TMEM207: variants seen among roughly 807,000 people sequenced by gnomAD.
The protein encoded by TMEM207 is transmembrane protein 207, also known as SRSR846.
In TMEM207, 15 loss-of-function variants were observed where a neutral mutation model predicts 17.4. The observed-to-expected ratio is 0.86, with a 90% CI of 0.58 to 1.33. The LOEUF is 1.33. Ranked by LOEUF, TMEM207 falls within the 40% of genes most tolerant of loss-of-function variation. TMEM207 has a pLI of 0.00. For synonymous variants in TMEM207, 70 were observed against 65.6 expected, an observed-to-expected ratio of 1.07 and a Z score of -0.33; for missense variants, 205 against 173.8, an observed-to-expected ratio of 1.18 and a Z score of -1.01.
At chr3:190,444,186 G>A (rs186189041) in intron 2 of TMEM207, among the ~76,000 whole-genome samples, 6 of 152,294 alleles carry the variant, frequency 3.9e-5, no homozygotes, top group South Asian at 4.1e-4. Flanking sequence ...AACCAGATGC[G>A]TAACTTCATG....
At chr3:190,434,798 T>C (rs542803935) in intron 4 of TMEM207, among the ~76,000 whole-genome samples, 1 of 152,090 alleles carries the variant, frequency 6.6e-6, no homozygotes, top group African/African-American at 2.4e-5. Context: ...GTAGCAGAGA[T>C]GGTGAAGGAG....
At chr3:190,442,113 AAT>A (rs1719949345) in intron 2 of TMEM207, among the ~76,000 whole-genome samples, 1 of 152,202 alleles carries the variant, frequency 6.6e-6, no homozygotes, top group Non-Finnish European at 1.5e-5. Flanking sequence ...GAAGTTTTAA[AAT>A]ATCGCAGACA....
In TMEM207 at chr3:190,449,837, T is replaced by C. The variant is rs1290797853; in HGVS notation, c.-28A>G. The C allele has an allele frequency of 6.3e-7, 1 of 1,599,650 alleles. No individual in the cohort carries two copies. The highest frequency in any genetic ancestry group is 8.6e-7 in the Non-Finnish European group (1 of 1,167,034). The stretch of plus-strand genomic sequence containing the variant: ...TTAAAGGACAGTCAACTTAGGATAG[T>C]GGTTTGGTGCCTGTGTTTATTTCCT... On this transcript the variant is annotated 5_prime_UTR_variant, in exon 1 of 5. Coordinates refer to ENST00000354905, the MANE Select transcript of TMEM207 (RefSeq NM_207316.3).
Position 190,449,881 on chromosome 3 carries a change from A to G in TMEM207, c.-72T>C. ...ATTTCCTTCTTTCTCAGAACTTACTAGCTTCTCTATAAGTTATGCTTCCTA... is the reference window on the plus strand; with the variant it reads ...ATTTCCTTCTTTCTCAGAACTTACTGGCTTCTCTATAAGTTATGCTTCCTA... On this transcript the variant is annotated 5_prime_UTR_variant, in exon 1 of 5. Coordinates refer to ENST00000354905, the MANE Select transcript of TMEM207 (RefSeq NM_207316.3). 1 of 1,364,440 alleles carries G rather than the reference A, an allele frequency of 7.3e-7. No homozygotes were observed. Among genetic ancestry groups the G allele is most frequent in the East Asian group, 2.4e-5 (1 of 42,512 alleles). The allele number at this position is 1,364,440 out of a possible 1,614,324, so 84.5% of individuals were successfully genotyped here.
chr3:190,437,574 C>T (rs1329003670), intron 4 of TMEM207, among the ~76,000 whole-genome samples: 1 of 152,020 alleles, frequency 6.6e-6, no homozygotes, highest in Admixed American at 6.6e-5. Context: ...GTTAGAATGG[C>T]AATCATTAAA....
intron 4 of TMEM207, among the ~76,000 whole-genome samples, chr3:190,437,760 A>G (rs1471115085): frequency 2.6e-5 from 4 of 152,110 alleles, no homozygotes; most frequent in Non-Finnish European, 4.4e-5. Flanking sequence ...GTATACCCAA[A>G]GGACTATAAA....
At position 190,429,349 on chromosome 3, in the gene TMEM207, T is replaced by G; in HGVS notation, c.*246A>C. ...TGTTTGGATACTAGTGGAGAAGCAT[T>G]AATTTGGTTGTGTAGCATAAAAGTA... On this transcript the variant is annotated 3_prime_UTR_variant, in exon 5 of 5. Coordinates refer to ENST00000354905, the MANE Select transcript of TMEM207 (RefSeq NM_207316.3). 2.2e-6 allele frequency: 1 copy of G among 447,518 alleles called. No homozygotes were observed. The highest frequency in any genetic ancestry group is 4.0e-6 in the Non-Finnish European group (1 of 249,622). The allele number at this position is 447,518 out of a possible 1,614,324, so 27.7% of individuals were successfully genotyped here. A position where few individuals can be genotyped will look rare whatever the true frequency, so the allele number is the denominator to read the frequency against.
intron 4 of TMEM207, among the ~76,000 whole-genome samples, 155 bp from the exon 5 acceptor site, chr3:190,429,886 G>T (rs1195813833): frequency 6.8e-6 from 1 of 147,468 alleles, no homozygotes; most frequent in African/African-American, 2.6e-5. Context: ...CTTGCTCTTT[G>T]CAGTGAAGGT....
rs6791091 is a variant in TMEM207 at position 190,443,156 on chromosome 3, T to G, written c.114-1674A>C. 3.6e-3 allele frequency among the ~76,000 whole-genome samples: 540 copies of G among 150,360 alleles called. 3 individuals are homozygous for G. Among genetic ancestry groups the G allele is most frequent in the Non-Finnish European group, 4.5e-3 (301 of 67,576 alleles). ...CACAATTAAAAAAGCTTTTTTTTTT[T>G]TTTGTTTTGTTTTGTTTTGTTTTTC... On this transcript the variant is annotated intron_variant, in intron 2 of 4. Coordinates refer to ENST00000354905, the MANE Select transcript of TMEM207 (RefSeq NM_207316.3).
intron 1 of TMEM207, among the ~76,000 whole-genome samples, chr3:190,449,365 A>G (rs947593151): frequency 6.6e-6 from 1 of 152,208 alleles, no homozygotes; most frequent in Admixed American, 6.5e-5. Flanking sequence ...GTCAAGCATC[A>G]AGTATGGTTG....
rs191530344 is a variant in TMEM207 at position 190,433,543 on chromosome 3, G to T, written c.305-3812C>A. The stretch of plus-strand genomic sequence containing the variant: ...AACTGCTGAGCGATGACCACAAACA[G>T]TAGAGATTTGGGATACAGATGGTCA... On this transcript the variant is annotated intron_variant, in intron 4 of 4. Transcript: ENST00000354905. Among the ~76,000 whole-genome samples, 7 of 152,116 alleles carry T rather than the reference G, an allele frequency of 4.6e-5. No homozygotes were observed. The East Asian group carries it at 1.3e-3, about 29-fold the overall frequency.
intron 2 of TMEM207, among the ~76,000 whole-genome samples, chr3:190,442,836 C>T (rs1431210026): frequency 6.6e-6 from 1 of 152,152 alleles, no homozygotes; most frequent in Non-Finnish European, 1.5e-5. Flanking sequence ...AGTCTTGCTA[C>T]ATAAAATAGT....
At chr3:190,432,304 G>A (rs1403900382) in intron 4 of TMEM207, among the ~76,000 whole-genome samples, 1 of 152,064 alleles carries the variant, frequency 6.6e-6, no homozygotes, top group Non-Finnish European at 1.5e-5. Context: ...CTATGGGAGT[G>A]GCCAGAAGGA....
intron 4 of TMEM207, among the ~76,000 whole-genome samples, chr3:190,432,876 C>T (rs929614225): frequency 1.3e-5 from 2 of 152,048 alleles, no homozygotes; most frequent in Non-Finnish European, 2.9e-5. Context: ...CATTATCAAG[C>T]GATCAGCCCC....
intron 4 of TMEM207, among the ~76,000 whole-genome samples, chr3:190,429,963 C>T (rs1035799851): frequency 1.3e-5 from 2 of 152,070 alleles, no homozygotes; most frequent in Non-Finnish European, 2.9e-5. Context: ...TTGTCTAACC[C>T]ATCAAGAAGC....
chr3:190,437,889 A>T (rs898157269), intron 4 of TMEM207, among the ~76,000 whole-genome samples: 9 of 151,554 alleles, frequency 5.9e-5, no homozygotes, highest in African/African-American at 2.2e-4. Flanking sequence ...AAAATGTGGC[A>T]CATATACACC....
rs138370145 is a variant in TMEM207, at chr3:190,447,817, G to A, written c.86C>T (p.Ser29Leu). ...TTCATCTTCTTCGCATGGTAGGTCC[G>A]AGAGCACCAACTGAAACACATGTTT... is the stretch of plus-strand genomic sequence containing the variant. ...LCLPLFQLVL[S>L]DLPCEEDEMC... The change falls in exon 2 of 5, where the codon TCG becomes TTG. Residue 29 changes from serine (S) to leucine (L), a missense_variant. Ser to Leu is a moderately radical substitution (Grantham distance 145). Transcript: ENST00000354905. 115 of 1,612,230 alleles carry A rather than the reference G, an allele frequency of 7.1e-5. No homozygotes were observed. Among genetic ancestry groups the A allele is most frequent in the South Asian group, 3.9e-4 (35 of 90,676 alleles).
chr3:190,429,565 A>ATACTT lies in TMEM207; in HGVS notation c.*25_*29dup, dbSNP rs374650728. 4,745 of 1,611,268 alleles carry ATACTT rather than the reference A, an allele frequency of 2.9e-3. 33 individuals carry two copies. The highest frequency in any genetic ancestry group is 3.8e-3 in the Middle Eastern group (23 of 6,046). On this transcript the variant is annotated 3_prime_UTR_variant, in exon 5 of 5. Transcript: ENST00000354905. ...TGTTTTGGAATTACAGATGTCGTTA[A>ATACTT]TACTTTAAATTGATAATCCACACCT...
At chr3:190,442,413 T>C (rs1420121852) in intron 2 of TMEM207, among the ~76,000 whole-genome samples, 1 of 152,198 alleles carries the variant, frequency 6.6e-6, no homozygotes, top group African/African-American at 2.4e-5. Context: ...GTCAGTTAAT[T>C]TATTGCATCT....
Sources: gnomAD v4.1 joint callset for allele counts (sites outside exome capture counted in the v4.1 genomes callset) on GRCh38, gnomAD v4.1.1 for gene constraint, MANE v1.5 for transcripts, NCBI Gene and HGNC (gene_info 2026-07-23, HGNC 2026-07-21) for gene names.